The following ROBO1 variants were observed in gnomAD, a reference collection of about 807,000 sequenced individuals.
ROBO1 encodes roundabout homolog 1.
ROBO1 carries 149 observed loss-of-function variants against 195.9 expected under a neutral mutation model. That is an observed-to-expected ratio of 0.76 (90% CI 0.67 to 0.87). The LOEUF (loss-of-function observed/expected upper bound fraction) is 0.87, where lower values mean the gene tolerates loss of function less well. ROBO1 is among the 40% of genes least tolerant of loss of function. The pLI, the probability that ROBO1 is intolerant of heterozygous loss-of-function variation, is 0.00. For missense variants in ROBO1, 1,933 were observed against 2,068.3 expected, an observed-to-expected ratio of 0.93 and a Z score of 1.27; for synonymous variants, 816 against 733.2, an observed-to-expected ratio of 1.11 and a Z score of -1.82.
intron 1 of ROBO1, among the ~76,000 whole-genome samples, chr3:79,757,214 T>C (rs548425340): frequency 6.2e-4 from 95 of 152,332 alleles, no homozygotes; most frequent in African/African-American, 2.2e-3. Flanking sequence ...TAATTATGTT[T>C]AATTTTTTTA....
chr3:78,757,399 A>C (rs2082963045), intron 4 of ROBO1, among the ~76,000 whole-genome samples: 1 of 151,200 alleles, frequency 6.6e-6, no homozygotes, highest in Admixed American at 6.7e-5. Context: ...TTTCTAATTT[A>C]AATATTTTCT....
At chr3:79,116,280 TTTTC>T (rs980267415) in intron 3 of ROBO1, among the ~76,000 whole-genome samples, 6 of 151,746 alleles carry the variant, frequency 4.0e-5, no homozygotes, top group East Asian at 1.9e-4. Flanking sequence ...CCTTCCTTTC[TTTTC>T]TTTCTTTCTC....
rs182336569 is a variant in ROBO1, at chr3:79,727,910, T to C, written c.-51+39842A>G. Among the ~76,000 whole-genome samples, 12 of 152,264 alleles carry C rather than the reference T, an allele frequency of 7.9e-5. No homozygotes were observed. In the East Asian group the frequency reaches 2.1e-3, roughly 27 times the overall value. On this transcript the variant is annotated intron_variant, in intron 1 of 30. Transcript: ENST00000464233. The stretch of plus-strand genomic sequence containing the variant: ...AATTTAGTAGCATTGTATGTTTTTA[T>C]GTAAACCAAAGGTCCCATGTATAGC...
chr3:79,353,597 G>C (rs1162102443), intron 2 of ROBO1, among the ~76,000 whole-genome samples: 1 of 152,144 alleles, frequency 6.6e-6, no homozygotes, highest in Admixed American at 6.5e-5. Flanking sequence ...GGACATGGAG[G>C]TGCTGGGGAT....
intron 2 of ROBO1, among the ~76,000 whole-genome samples, chr3:79,414,193 C>G (rs928948555): frequency 1.3e-5 from 2 of 151,620 alleles, no homozygotes; most frequent in African/African-American, 2.4e-5. Flanking sequence ...CTCTCTCTCT[C>G]TCTCTTTCTC....
At chr3:79,142,276 G>A (rs1164345503) in intron 2 of ROBO1, among the ~76,000 whole-genome samples, 1 of 152,032 alleles carries the variant, frequency 6.6e-6, no homozygotes, top group African/African-American at 2.4e-5. Flanking sequence ...ATATGTAAAA[G>A]TATTTTATGG....
chr3:78,904,696 G>GTATATATGTATATATATATGTATATGTA (rs2037790060), intron 4 of ROBO1, among the ~76,000 whole-genome samples: 2 of 138,292 alleles, frequency 1.4e-5, no homozygotes, highest in Admixed American at 7.0e-5. Flanking sequence ...GTATACATAT[G>GTATATATGTATATATATATGTATATGTA]TATATATGTA....
chr3:78,779,877 T>C (rs2108474742), intron 4 of ROBO1, among the ~76,000 whole-genome samples: 1 of 152,220 alleles, frequency 6.6e-6, no homozygotes, highest in African/African-American at 2.4e-5. Context: ...AATGATATAC[T>C]GGATAAAGAA....
At chr3:79,401,458 A>G (rs2037362831) in intron 2 of ROBO1, among the ~76,000 whole-genome samples, 1 of 151,892 alleles carries the variant, frequency 6.6e-6, no homozygotes, top group Non-Finnish European at 1.5e-5. Context: ...CTCATGAATA[A>G]TATTTAATAA....
intron 1 of ROBO1, among the ~76,000 whole-genome samples, chr3:79,754,290 G>A (rs1704268589): frequency 1.3e-5 from 2 of 152,172 alleles, no homozygotes; most frequent in African/African-American, 4.8e-5. Flanking sequence ...AAAGCAGAGA[G>A]AGAGAACCCC....
At chr3:78,716,767 T>C (rs1430661474) in intron 7 of ROBO1, among the ~76,000 whole-genome samples, 1 of 152,120 alleles carries the variant, frequency 6.6e-6, no homozygotes, top group Admixed American at 6.5e-5. Context: ...AAGCCTTTAT[T>C]TGAATGGCAC....
rs144623350 is a variant in ROBO1, at chr3:79,612,482, A to G, written c.-50-22521T>C. On this transcript the variant is annotated intron_variant, in intron 1 of 30. Coordinates refer to ENST00000464233, the MANE Select transcript of ROBO1 (RefSeq NM_002941.4). ...CTTTGCTATTGTGACTAATGCTGCA[A>G]TAAACATACGGGTGCATGTGTCTTT... Among the ~76,000 whole-genome samples the G allele has an allele frequency of 2.2e-3, 332 of 152,114 alleles. 2 individuals are homozygous for G. Among genetic ancestry groups the G allele is most frequent in the African/African-American group, 7.7e-3 (321 of 41,524 alleles).
At chr3:79,616,633 G>A (rs1349396220) in intron 1 of ROBO1, among the ~76,000 whole-genome samples, 1 of 152,116 alleles carries the variant, frequency 6.6e-6, no homozygotes, top group Non-Finnish European at 1.5e-5. Flanking sequence ...TGAAAAAGGG[G>A]AGTGTTGCTC....
chr3:79,619,865 G>T (rs1944948057), intron 1 of ROBO1, among the ~76,000 whole-genome samples: 1 of 152,026 alleles, frequency 6.6e-6, no homozygotes, highest in African/African-American at 2.4e-5. Context: ...TCCAAAAATT[G>T]GATTCCAGCC....
At chr3:79,679,711 G>A (rs1396720934) in intron 1 of ROBO1, among the ~76,000 whole-genome samples, 1 of 151,966 alleles carries the variant, frequency 6.6e-6, no homozygotes, top group Non-Finnish European at 1.5e-5. Context: ...TGCAGAGACA[G>A]CAAATGGGAG....
At position 79,311,455 on chromosome 3, in the gene ROBO1, GTGTT is replaced by G. The variant is rs546370528; in HGVS notation, c.89-185920_89-185917del. Among the ~76,000 whole-genome samples the G allele has an allele frequency of 1.1e-4, 16 of 152,284 alleles. No individual in the cohort carries two copies. In the East Asian group the frequency reaches 3.1e-3, roughly 29 times the overall value. Reference sequence around the variant, plus strand: ...ATTCTTATAAATTTAGAAATAAAGTGTGTTTGGTTATTTCCACTAAATGAAATTA... The same window carrying G: ...ATTCTTATAAATTTAGAAATAAAGTGTGGTTATTTCCACTAAATGAAATTA... On this transcript the variant is annotated intron_variant, in intron 2 of 30. Transcript: ENST00000464233.
chr3:79,022,275 C>T (rs2078118625), intron 3 of ROBO1, among the ~76,000 whole-genome samples: 1 of 152,158 alleles, frequency 6.6e-6, no homozygotes, highest in South Asian at 2.1e-4. Flanking sequence ...GTGCAAGAAA[C>T]AGTAAAGTGT....
intron 10 of ROBO1, among the ~76,000 whole-genome samples, chr3:78,680,644 C>T (rs1182759854): frequency 2.7e-5 from 4 of 150,020 alleles, no homozygotes; most frequent in Non-Finnish European, 5.9e-5. Flanking sequence ...TACCATCTCA[C>T]ACCAGTTAGA....
chr3:79,486,524 A>T (rs1430295751), intron 2 of ROBO1, among the ~76,000 whole-genome samples: 1 of 152,142 alleles, frequency 6.6e-6, no homozygotes, highest in African/African-American at 2.4e-5. Context: ...CCCCAAGAAA[A>T]TGCCTACTTT....
Sources: gnomAD v4.1 joint callset for allele counts (sites outside exome capture counted in the v4.1 genomes callset) on GRCh38, gnomAD v4.1.1 for gene constraint, MANE v1.5 for transcripts, NCBI Gene and HGNC (gene_info 2026-07-23, HGNC 2026-07-21) for gene names.